PDE4D: variants seen among roughly 807,000 people sequenced by gnomAD.
The protein encoded by PDE4D is phosphodiesterase 4D.
In PDE4D, 24 loss-of-function variants were observed where a neutral mutation model predicts 87.4. That is an observed-to-expected ratio of 0.27 (90% CI 0.20 to 0.39). The LOEUF is 0.39. Among genes scored for constraint, PDE4D ranks in the 10% least tolerant of loss-of-function variants. The pLI is 1.00. For synonymous variants in PDE4D, 384 were observed against 383.2 expected, an observed-to-expected ratio of 1.00 and a Z score of -0.02; for missense variants, 714 against 1,041.0, an observed-to-expected ratio of 0.69 and a Z score of 4.32.
At chr5:59,232,860 T>C (rs75433418) in intron 1 of PDE4D, among the ~76,000 whole-genome samples, 4 of 151,902 alleles carry the variant, frequency 2.6e-5, no homozygotes, top group Non-Finnish European at 5.9e-5. Flanking sequence ...TGGAATACTA[T>C]GCAGTCATAA....
chr5:59,640,116 C>T (rs1055191940), intron 1 of PDE4D, among the ~76,000 whole-genome samples: 1 of 151,988 alleles, frequency 6.6e-6, no homozygotes, highest in Non-Finnish European at 1.5e-5. Context: ...TAAGAATGCC[C>T]AATATTTGCA....
intron 5 of PDE4D, among the ~76,000 whole-genome samples, chr5:59,154,169 C>T (rs983598143): frequency 6.6e-6 from 1 of 152,102 alleles, no homozygotes; most frequent in African/African-American, 2.4e-5. Flanking sequence ...GTGACATTTG[C>T]AGATTAATTT....
chr5:59,193,438 A>G lies in PDE4D; in HGVS notation c.684+62T>C, dbSNP rs1235843329. On this transcript the variant is annotated intron_variant, in intron 3 of 14. Transcript: ENST00000340635. ...TTAAATTAAATTAATAACCCGAACT[A>G]ATTCCCCAAATTAAATTTTTACATC... 7.2e-6 allele frequency: 10 copies of G among 1,395,780 alleles called. No individual in the cohort carries two copies. The Admixed American group carries it at 1.4e-4, about 19-fold the overall frequency. 86.5% of individuals were successfully genotyped at this position (1,395,780 alleles called of 1,614,324 possible). A position where few individuals can be genotyped will look rare whatever the true frequency, so the allele number is the denominator to read the frequency against.
intron 1 of PDE4D, among the ~76,000 whole-genome samples, chr5:59,652,560 C>T (rs867864417): frequency 6.6e-6 from 1 of 152,270 alleles, no homozygotes; most frequent in Middle Eastern, 3.4e-3. Context: ...ATATTGATAT[C>T]AATTTAAAAT....
At chr5:60,066,179 C>T (rs934776349) in intron 2 of PDE4D, among the ~76,000 whole-genome samples, 22 of 152,090 alleles carry the variant, frequency 1.4e-4, no homozygotes, top group South Asian at 6.2e-4. Flanking sequence ...ATTTCTCTGA[C>T]GGCCAGTGAT....
chr5:60,121,138 T>C (rs1183923910), intron 2 of PDE4D, among the ~76,000 whole-genome samples: 1 of 151,906 alleles, frequency 6.6e-6, no homozygotes, highest in Non-Finnish European at 1.5e-5. Flanking sequence ...GCAGAAGGCC[T>C]ATTGTGGGAC....
chr5:60,359,737 CT>C (rs543888127), intron 1 of PDE4D, among the ~76,000 whole-genome samples: 1 of 152,158 alleles, frequency 6.6e-6, no homozygotes, highest in Non-Finnish European at 1.5e-5. Context: ...TTTCCCAAAG[CT>C]GTTGTTGCAC....
intron 1 of PDE4D, among the ~76,000 whole-genome samples, chr5:59,361,767 T>C (rs1194028598): frequency 6.6e-6 from 1 of 152,174 alleles, no homozygotes; most frequent in Non-Finnish European, 1.5e-5. Context: ...TCTAGAGACA[T>C]AAAAACCACA....
intron 5 of PDE4D, among the ~76,000 whole-genome samples, chr5:59,068,360 G>A (rs576775291): frequency 1.3e-5 from 2 of 152,116 alleles, no homozygotes; most frequent in South Asian, 4.2e-4. Flanking sequence ...CTAGATCTGA[G>A]GTTTTTTATT....
At chr5:59,977,346 C>A (rs142145476) in intron 3 of PDE4D, among the ~76,000 whole-genome samples, 1 of 152,178 alleles carries the variant, frequency 6.6e-6, no homozygotes, top group Admixed American at 6.5e-5. Context: ...ATCAAACCAG[C>A]CGCAACATTC....
At chr5:59,224,122 CAAAAAAA>C (rs762239197) in intron 1 of PDE4D, among the ~76,000 whole-genome samples, 15 of 21,840 alleles carry the variant, frequency 6.9e-4, no homozygotes, top group African/African-American at 9.2e-4. Context: ...CCTGTTTCTA[CAAAAAAA>C]AAAAAAAAAA....
rs375881044 is a variant in PDE4D, at chr5:59,768,556, G to T, written c.455+124612C>A. The T allele has an allele frequency of 7.5e-6, 12 of 1,590,202 alleles. No individual in the cohort carries two copies. The African/African-American group carries it at 9.4e-5, about 12-fold the overall frequency. ...GCTGGCAAGAATCCAGGGCAACGTG[G>T]TTCCCTCGCTCACGGTCCCGGAAAT... On this transcript the variant is annotated intron_variant, in intron 1 of 14. Coordinates refer to ENST00000340635, the MANE Select transcript of PDE4D (RefSeq NM_001104631.2).
intron 3 of PDE4D, among the ~76,000 whole-genome samples, chr5:59,958,282 C>A (rs1271920517): frequency 1.3e-5 from 2 of 152,072 alleles, no homozygotes; most frequent in African/African-American, 2.4e-5. Flanking sequence ...TTCTTTCATA[C>A]ATTTTTACAC....
rs1298430832 is a variant in PDE4D, at chr5:59,422,824, A to G, written c.456-206856T>C. 5.9e-5 allele frequency among the ~76,000 whole-genome samples: 9 copies of G among 152,222 alleles called. No individual in the cohort carries two copies. In the East Asian group the frequency reaches 1.7e-3, roughly 29 times the overall value. ...CTGAACTGATTGCAGAACAAAGGTC[A>G]ACATTTATGACAGTTTTTATTAAAC... On this transcript the variant is annotated intron_variant, in intron 1 of 14. Transcript: ENST00000340635.
chr5:60,083,599 A>G (rs1352456825), intron 2 of PDE4D, among the ~76,000 whole-genome samples: 1 of 152,226 alleles, frequency 6.6e-6, no homozygotes, highest in Non-Finnish European at 1.5e-5. Context: ...TTTCATCATA[A>G]AACACCTGAG....
rs931535351 is a variant in PDE4D, at chr5:59,755,914, T to C, written c.455+137254A>G. 2.6e-5 allele frequency among the ~76,000 whole-genome samples: 4 copies of C among 151,408 alleles called. 1 individual carries two copies. The highest frequency in any genetic ancestry group is 9.6e-5 in the African/African-American group (4 of 41,456). On this transcript the variant is annotated intron_variant, in intron 1 of 14. Transcript: ENST00000340635. ...ATAACATGAAGAGGAAGCCACTTTA[T>C]TTTAATAATAGCTAATTTAATCAGA...
chr5:59,380,866 C>T (rs1276902091), intron 1 of PDE4D, among the ~76,000 whole-genome samples: 2 of 152,032 alleles, frequency 1.3e-5, no homozygotes, highest in South Asian at 2.1e-4. Context: ...CAAATCCTGC[C>T]CACTACTTTT....
rs892267440 is a variant in PDE4D at position 59,273,962 on chromosome 5, G to A, written c.456-57994C>T. ...TTTAGACAAAAAGAGAAATAGTTTGGTTAAACACTATTTTTAAAGTAGTAA... is the reference window on the plus strand; with the variant it reads ...TTTAGACAAAAAGAGAAATAGTTTGATTAAACACTATTTTTAAAGTAGTAA... On this transcript the variant is annotated intron_variant, in intron 1 of 14. Coordinates refer to ENST00000340635, the MANE Select transcript of PDE4D (RefSeq NM_001104631.2). Among the ~76,000 whole-genome samples, 3 of 152,128 alleles carry A rather than the reference G, an allele frequency of 2.0e-5. No individual in the cohort carries two copies. The South Asian group carries it at 6.2e-4, about 32-fold the overall frequency.
At chr5:59,408,958 C>T (rs959357042) in intron 1 of PDE4D, among the ~76,000 whole-genome samples, 1 of 151,930 alleles carries the variant, frequency 6.6e-6, no homozygotes, top group Admixed American at 6.6e-5. Flanking sequence ...ACAAGCCTGG[C>T]CAATGTGATG....
Sources: gnomAD v4.1 joint callset for allele counts (sites outside exome capture counted in the v4.1 genomes callset) on GRCh38, gnomAD v4.1.1 for gene constraint, MANE v1.5 for transcripts, NCBI Gene and HGNC (gene_info 2026-07-23, HGNC 2026-07-21) for gene names.